FNBP1: variants seen among roughly 807,000 people sequenced by gnomAD.
FNBP1 encodes formin binding protein 1.
In FNBP1, 26 loss-of-function variants were observed where a neutral mutation model predicts 90.6. That is an observed-to-expected ratio of 0.29 (90% CI 0.21 to 0.40). FNBP1 has a LOEUF of 0.40. Ranked by LOEUF, FNBP1 falls within the 10% of genes least tolerant of loss-of-function variation. The pLI is 1.00. For missense variants in FNBP1, 635 were observed against 768.0 expected, an observed-to-expected ratio of 0.83 and a Z score of 2.05; for synonymous variants, 260 against 265.2, an observed-to-expected ratio of 0.98 and a Z score of 0.19.
chr9:129,980,669 GAAAAAAAA>G (rs199545216), intron 2 of FNBP1, among the ~76,000 whole-genome samples: 7 of 126,748 alleles, frequency 5.5e-5, no homozygotes, highest in African/African-American at 2.0e-4. Flanking sequence ...GGTAATCACA[GAAAAAAAA>G]AAAAAAAAAA....
At chr9:130,017,871 G>GTTTT (rs373281834) in intron 1 of FNBP1, among the ~76,000 whole-genome samples, 1 of 93,766 alleles carries the variant, frequency 1.1e-5, no homozygotes, top group African/African-American at 4.2e-5. Context: ...GTCTAACGTG[G>GTTTT]TTTTTTTTTT....
rs544328643 is a variant in FNBP1, at chr9:130,033,366, C to T, written c.24+9586G>A. ...CTCACTCAACTGGGAGCACCCACAC[C>T]GTTTGTCCCCAGAGCCTGTCTGGTC... On this transcript the variant is annotated intron_variant, in intron 1 of 16. Transcript: ENST00000446176. 3.9e-5 allele frequency among the ~76,000 whole-genome samples: 6 copies of T among 152,188 alleles called. No individual in the cohort carries two copies. In the East Asian group the frequency reaches 5.8e-4, roughly 15 times the overall value.
At chr9:129,954,570 A>G (rs2046634248) in intron 6 of FNBP1, among the ~76,000 whole-genome samples, 1 of 152,212 alleles carries the variant, frequency 6.6e-6, no homozygotes, top group African/African-American at 2.4e-5. Flanking sequence ...AAACTGATTA[A>G]TGTAATTGAC....
At chr9:129,903,795 T>G (rs1447209165) in intron 12 of FNBP1, among the ~76,000 whole-genome samples, 1 of 152,122 alleles carries the variant, frequency 6.6e-6, no homozygotes, top group African/African-American at 2.4e-5. Flanking sequence ...CCTCCCAAAG[T>G]GCTGGGATTA....
At chr9:129,952,176 A>T (rs912136245) in intron 6 of FNBP1, among the ~76,000 whole-genome samples, 7 of 151,846 alleles carry the variant, frequency 4.6e-5, no homozygotes, top group African/African-American at 1.7e-4. Context: ...TGGGCAACAG[A>T]GCGAGACTCT....
At chr9:129,893,278 G>A (rs1434320421) in intron 16 of FNBP1, among the ~76,000 whole-genome samples, 1 of 151,920 alleles carries the variant, frequency 6.6e-6, no homozygotes, top group Non-Finnish European at 1.5e-5. Flanking sequence ...GGGATGGGTG[G>A]CTTTATTGAT....
chr9:130,002,181 T>C (rs1004619353), intron 1 of FNBP1, among the ~76,000 whole-genome samples: 1 of 151,982 alleles, frequency 6.6e-6, no homozygotes, highest in African/African-American at 2.4e-5. Context: ...AAAGCAAGAC[T>C]CCATCTAAAA....
At chr9:130,000,841 A>T (rs1413200471) in intron 1 of FNBP1, among the ~76,000 whole-genome samples, 2 of 152,218 alleles carry the variant, frequency 1.3e-5, no homozygotes, top group Non-Finnish European at 2.9e-5. Context: ...TCTTTGAAGT[A>T]AAAATGGTGT....
chr9:129,968,848 GC>G (rs1390539618), intron 4 of FNBP1, among the ~76,000 whole-genome samples: 5 of 152,224 alleles, frequency 3.3e-5, no homozygotes, highest in African/African-American at 9.6e-5. Flanking sequence ...TCTGCTTCTG[GC>G]CAACACTTTG....
chr9:130,027,197 G>A (rs188511729), intron 1 of FNBP1, among the ~76,000 whole-genome samples: 75 of 152,204 alleles, frequency 4.9e-4, no homozygotes, highest in African/African-American at 1.7e-3. Flanking sequence ...AAAAATGACA[G>A]AATCACCATA....
At chr9:129,935,893 A>C (rs1367400461) in intron 6 of FNBP1, among the ~76,000 whole-genome samples, 1 of 152,142 alleles carries the variant, frequency 6.6e-6, no homozygotes, top group Non-Finnish European at 1.5e-5. Context: ...AAATAAAGAG[A>C]CTTACTAAGT....
chr9:129,977,641 G>A (rs766390637), intron 4 of FNBP1, among the ~76,000 whole-genome samples: 16 of 151,946 alleles, frequency 1.1e-4, no homozygotes, highest in Non-Finnish European at 2.4e-4. Context: ...ATGGGTACCC[G>A]TCACCACGCC....
rs1049741653 is a variant in FNBP1 at position 129,888,458 on chromosome 9, C to T, written c.*2081G>A. 10 of 232,564 alleles carry T rather than the reference C, an allele frequency of 4.3e-5. No individual in the cohort carries two copies. The highest frequency in any genetic ancestry group is 1.5e-4 in the African/African-American group (7 of 45,304). 14.4% of individuals were successfully genotyped at this position (232,564 alleles called of 1,614,324 possible). ...TTGGTTTGCAGGGACAGAGGTGCGG[C>T]CCTGACTCTTCTCACCCTGTGTCAT... On this transcript the variant is annotated 3_prime_UTR_variant, in exon 17 of 17. Coordinates refer to ENST00000446176, the MANE Select transcript of FNBP1 (RefSeq NM_015033.3).
intron 16 of FNBP1, among the ~76,000 whole-genome samples, chr9:129,893,175 C>T (rs2035281205): frequency 6.6e-6 from 1 of 152,056 alleles, no homozygotes; most frequent in African/African-American, 2.4e-5. Flanking sequence ...CTGGGTAAAG[C>T]TGGAAACTTC....
chr9:129,946,331 G>A (rs1055345420), intron 6 of FNBP1, among the ~76,000 whole-genome samples: 2 of 152,184 alleles, frequency 1.3e-5, no homozygotes, highest in East Asian at 1.9e-4. Context: ...CAAATACTTC[G>A]AGAAGTCTGT....
At chr9:129,950,218 TAC>T (rs1485820941) in intron 6 of FNBP1, among the ~76,000 whole-genome samples, 3 of 152,298 alleles carry the variant, frequency 2.0e-5, no homozygotes, top group African/African-American at 7.2e-5. Context: ...TTTGGGAAAT[TAC>T]AGTGTTTCAA....
At chr9:129,968,002 G>T (rs942094993) in intron 4 of FNBP1, among the ~76,000 whole-genome samples, 1 of 151,086 alleles carries the variant, frequency 6.6e-6, no homozygotes, top group South Asian at 2.1e-4. Context: ...TTTTTTGGCG[G>T]GGGGGTCACC....
chr9:129,924,707 G>A (rs766871705), intron 9 of FNBP1, among the ~76,000 whole-genome samples: 4 of 152,146 alleles, frequency 2.6e-5, no homozygotes, highest in Non-Finnish European at 5.9e-5. Context: ...GGCATGAGGC[G>A]AAACGGTGGA....
At chr9:130,053,488 C>A in the FNBP1 span, 1 of 182,006 alleles carries the variant, frequency 5.5e-6, no homozygotes, top group Non-Finnish European at 1.2e-5. Flanking sequence ...AGGACCCCTA[C>A]GGCGAGCCGG....
Sources: gnomAD v4.1 joint callset for allele counts (sites outside exome capture counted in the v4.1 genomes callset) on GRCh38, gnomAD v4.1.1 for gene constraint, MANE v1.5 for transcripts, NCBI Gene and HGNC (gene_info 2026-07-23, HGNC 2026-07-21) for gene names.